Variants in ACOX3 observed in about 807,000 individuals in gnomAD.
The protein encoded by ACOX3 is peroxisomal acyl-coenzyme A oxidase 3.
A neutral mutation model predicts 81.5 loss-of-function variants in ACOX3; 73 were observed. The observed-to-expected ratio is 0.90, with a 90% CI of 0.74 to 1.09. The LOEUF (loss-of-function observed/expected upper bound fraction) is 1.09, where lower values mean the gene tolerates loss of function less well. ACOX3 is among the 50% of genes least tolerant of loss of function. ACOX3 has a pLI of 0.00. For missense variants in ACOX3, 947 were observed against 928.0 expected (o/e 1.02, Z -0.27); for synonymous variants, 387 against 375.1 (o/e 1.03, Z -0.37).
rs1719335383 is a variant in ACOX3, at chr4:8,393,666, C to T, written c.1179+954G>A. Reference sequence around the variant, plus strand: ...ACACACACACACACACACACGCATGCTAAGTCCAGTGACCCATTTTATGAG... The same window carrying T: ...ACACACACACACACACACACGCATGTTAAGTCCAGTGACCCATTTTATGAG... On this transcript the variant is annotated intron_variant, in intron 10 of 17. Coordinates refer to ENST00000356406, the MANE Select transcript of ACOX3 (RefSeq NM_003501.3). Among the ~76,000 whole-genome samples the T allele has an allele frequency of 2.6e-5, 4 of 151,712 alleles. 1 individual carries two copies. In the South Asian group the frequency reaches 8.3e-4, roughly 32 times the overall value.
intron 17 of ACOX3, 119 bp from the exon 18 acceptor site, chr4:8,367,199 G>A: frequency 7.3e-7 from 1 of 1,371,004 alleles, no homozygotes; most frequent in Non-Finnish European, 9.8e-7. Context: ...AGGAAATTCG[G>A]CTGGGCACAG....
intron 11 of ACOX3, among the ~76,000 whole-genome samples, chr4:8,391,419 A>G (rs1718987900): frequency 6.6e-6 from 1 of 152,248 alleles, no homozygotes; most frequent in Non-Finnish European, 1.5e-5. Context: ...GCAAGGACCA[A>G]GTGCTCCTGG....
intron 13 of ACOX3, among the ~76,000 whole-genome samples, chr4:8,388,585 C>A (rs1718581020): frequency 6.6e-6 from 1 of 152,256 alleles, no homozygotes; most frequent in African/African-American, 2.4e-5. Context: ...GCGGAGCCTG[C>A]AGCAGCTCCC....
rs1305042001 is a variant in ACOX3 at position 8,386,111 on chromosome 4, G to A, written c.1537+3062C>T. ...CTCAGGGGAAGGGGAGGGAAGAGCA[G>A]AGCGTGATGGGCACATGGAGAAGCT... On this transcript the variant is annotated intron_variant, in intron 13 of 17. Transcript: ENST00000356406. This position sits in a 1 kb window ranked among gnomAD's most constrained non-coding sequence, Gnocchi z 5.2. Among the ~76,000 whole-genome samples, 1 of 152,212 alleles carries A rather than the reference G, an allele frequency of 6.6e-6. No homozygotes were observed. The highest frequency in any genetic ancestry group is 2.4e-5 in the African/African-American group (1 of 41,454).
chr4:8,410,529 C>T (rs565044859), intron 5 of ACOX3, among the ~76,000 whole-genome samples, 174 bp from the exon 6 acceptor site: 4 of 152,224 alleles, frequency 2.6e-5, no homozygotes, highest in Non-Finnish European at 5.9e-5. Flanking sequence ...TTTTTAAACA[C>T]AGCCTATTCC....
Position 8,419,618 on chromosome 4 carries a change from CT to C in ACOX3, c.-14-3084del, listed in dbSNP as rs1033265068. On this transcript the variant is annotated intron_variant, in intron 1 of 17. Transcript: ENST00000356406. The surrounding 1 kb of genome is among the most constrained non-coding windows in gnomAD (Gnocchi z 4.2). The stretch of plus-strand genomic sequence containing the variant: ...GTGACCACATGACTCAGCAATTCCA[CT>C]CTGAGGTATGTACGCAAGAGAACCG... 2.9e-4 allele frequency among the ~76,000 whole-genome samples: 44 copies of C among 151,920 alleles called. No homozygotes were observed. The highest frequency in any genetic ancestry group is 1.1e-3 in the African/African-American group (44 of 41,420).
At chr4:8,418,842 A>G (rs1393862525) in intron 1 of ACOX3, among the ~76,000 whole-genome samples, 1 of 152,204 alleles carries the variant, frequency 6.6e-6, no homozygotes, top group Non-Finnish European at 1.5e-5. Context: ...CTGGGCAACA[A>G]GAATGAAACT....
rs1003528719 is a variant in ACOX3 at position 8,431,092 on chromosome 4, G to C, written c.-15+9556C>G. On this transcript the variant is annotated intron_variant, in intron 1 of 17. Transcript: ENST00000356406. This position sits in a 1 kb window ranked among gnomAD's most constrained non-coding sequence, Gnocchi z 5.3. The stretch of plus-strand genomic sequence containing the variant: ...GCTTTTTATTGTTGGTTCTATTTAA[G>C]TTAGGGCATCATCACAAAATGACAT... 6.6e-6 allele frequency among the ~76,000 whole-genome samples: 1 copy of C among 152,182 alleles called. No homozygotes were observed.
At position 8,375,144 on chromosome 4, in the gene ACOX3, G is replaced by C. The variant is rs765494768; in HGVS notation, c.1662C>G (p.His554Gln). ...CGAAGGCCAGCGCCAACGGACGGCC[G>C]TGGGACACCTGGAACACAGGACGGC... The part of the protein sequence containing the change: ...FEARNKCQVS[H>Q]GRPLALAFVE... The change falls in exon 15 of 18, where the codon CAC (histidine) becomes CAG (glutamine). Residue 554 changes from histidine to glutamine, a missense_variant. Transcript: ENST00000356406. The C allele has an allele frequency of 2.1e-5, 32 of 1,544,494 alleles. No individual in the cohort carries two copies. The highest frequency in any genetic ancestry group is 2.6e-5 in the Non-Finnish European group (30 of 1,142,298).
chr4:8,399,084 C>T lies in ACOX3; in HGVS notation c.873+472G>A, dbSNP rs1027977597. 1.3e-5 allele frequency among the ~76,000 whole-genome samples: 2 copies of T among 152,200 alleles called. No homozygotes were observed. The highest frequency in any genetic ancestry group is 2.9e-5 in the Non-Finnish European group (2 of 68,034). ...GTGCATGCTCGGGGTGGCCCACCTG[C>T]TGTGAGCTCATGATTCCTGAGGGTC... On this transcript the variant is annotated intron_variant, in intron 8 of 17. Transcript: ENST00000356406. The surrounding 1 kb of genome is among the most constrained non-coding windows in gnomAD (Gnocchi z 4.9).
At position 8,370,884 on chromosome 4, in the gene ACOX3, C is replaced by T. The variant is rs182139530; in HGVS notation, c.1983+24G>A. On this transcript the variant is annotated intron_variant, in intron 17 of 17. Transcript: ENST00000356406. This position sits in a 1 kb window ranked among gnomAD's most constrained non-coding sequence, Gnocchi z 6.3. ...TGCCCATCAACCCTTGGGGCACTCCCGTGAGGCCCTGTCCTCCCTTTACCT... is the reference window on the plus strand; with the variant it reads ...TGCCCATCAACCCTTGGGGCACTCCTGTGAGGCCCTGTCCTCCCTTTACCT... 1.6e-4 allele frequency: 253 copies of T among 1,608,798 alleles called. No homozygotes were observed. Among genetic ancestry groups the T allele is most frequent in the South Asian group, 1.5e-3 (138 of 90,960 alleles).
rs1715797267 is a variant in ACOX3 at position 8,368,837 on chromosome 4, C to T, written c.1984-1757G>A. 6.6e-6 allele frequency among the ~76,000 whole-genome samples: 1 copy of T among 151,624 alleles called. No homozygotes were observed. The highest frequency in any genetic ancestry group is 2.4e-5 in the African/African-American group (1 of 41,204). On this transcript the variant is annotated intron_variant, in intron 17 of 17. Transcript: ENST00000356406. This position sits in a 1 kb window ranked among gnomAD's most constrained non-coding sequence, Gnocchi z 5.9. Reference sequence around the variant, plus strand: ...TCGACCTCCCCAAGCTCAGGGGATCCTCTCACCTCAGTTTTTGTAATTTTT... The same window carrying T: ...TCGACCTCCCCAAGCTCAGGGGATCTTCTCACCTCAGTTTTTGTAATTTTT...
intron 13 of ACOX3, among the ~76,000 whole-genome samples, chr4:8,383,397 A>G (rs1560173811): frequency 1.3e-5 from 2 of 152,236 alleles, no homozygotes; most frequent in African/African-American, 2.4e-5. Flanking sequence ...AAGTTGAGGT[A>G]TTCAGGTGAG....
intron 11 of ACOX3, among the ~76,000 whole-genome samples, chr4:8,391,656 T>G (rs1719010873): frequency 6.6e-6 from 1 of 152,242 alleles, no homozygotes; most frequent in Non-Finnish European, 1.5e-5. Context: ...TCATACGTGG[T>G]AATTCACTTA....
In ACOX3 at chr4:8,394,496, T is replaced by G. The variant is rs935326413; in HGVS notation, c.1179+124A>C. On this transcript the variant is annotated intron_variant, in intron 10 of 17. Coordinates refer to ENST00000356406, the MANE Select transcript of ACOX3 (RefSeq NM_003501.3). The surrounding 1 kb of genome is among the most constrained non-coding windows in gnomAD (Gnocchi z 5.9). ...AGAGCTCCGAGTGGGTGGGAACAACTGGAGGAATGCTCTGTCCTCGCAAAT... is the reference window on the plus strand; with the variant it reads ...AGAGCTCCGAGTGGGTGGGAACAACGGGAGGAATGCTCTGTCCTCGCAAAT... 5 of 1,423,748 alleles carry G rather than the reference T, an allele frequency of 3.5e-6. No individual in the cohort carries two copies. The Admixed American group carries it at 1.1e-4, about 32-fold the overall frequency. The allele number at this position is 1,423,748 out of a possible 1,614,324, so 88.2% of individuals were successfully genotyped here.
rs543925253 is a variant in ACOX3, at chr4:8,401,983, C to T, written c.777-2331G>A. Reference sequence around the variant, plus strand: ...AGCTAGCTGCCTCTCAGCAGTCTCCCGGGGCTCACCCCCCTCCATGAGGGG... The same window carrying T: ...AGCTAGCTGCCTCTCAGCAGTCTCCTGGGGCTCACCCCCCTCCATGAGGGG... On this transcript the variant is annotated intron_variant, in intron 7 of 17. Transcript: ENST00000356406. 1.1e-4 allele frequency among the ~76,000 whole-genome samples: 16 copies of T among 152,316 alleles called. No individual in the cohort carries two copies. In the South Asian group the frequency reaches 3.1e-3, roughly 30 times the overall value.
At chr4:8,371,926 T>C (rs1169045431) in intron 16 of ACOX3, among the ~76,000 whole-genome samples, 1 of 152,172 alleles carries the variant, frequency 6.6e-6, no homozygotes, top group Non-Finnish European at 1.5e-5. Context: ...CAGACGACAC[T>C]CAGGTGAACG....
rs926644006 is a variant in ACOX3 at position 8,399,200 on chromosome 4, G to A, written c.873+356C>T. Among the ~76,000 whole-genome samples, 1 of 152,170 alleles carries A rather than the reference G, an allele frequency of 6.6e-6. No individual in the cohort carries two copies. The highest frequency in any genetic ancestry group is 6.5e-5 in the Admixed American group (1 of 15,280). ...AGCCAGGCGTGAGTTCTGGACACCG[G>A]GGAACTCTGTTTGTCGTCCCCCTTT... On this transcript the variant is annotated intron_variant, in intron 8 of 17. Coordinates refer to ENST00000356406, the MANE Select transcript of ACOX3 (RefSeq NM_003501.3). The surrounding 1 kb of genome is among the most constrained non-coding windows in gnomAD (Gnocchi z 4.9).
intron 14 of ACOX3, among the ~76,000 whole-genome samples, chr4:8,376,175 T>G (rs1716939360): frequency 6.6e-6 from 1 of 152,150 alleles, no homozygotes; most frequent in Non-Finnish European, 1.5e-5. Context: ...CGCCAGCATC[T>G]GTTATTTTTC....
Sources: allele counts gnomAD v4.1 joint callset (sites outside exome capture counted in the v4.1 genomes callset), GRCh38; gene constraint gnomAD v4.1.1; non-coding constraint Gnocchi (gnomAD v3.1); transcripts MANE v1.5; gene names NCBI Gene and HGNC (gene_info 2026-07-23, HGNC 2026-07-21).